Variants in CATSPERT observed in about 807,000 individuals in gnomAD.
CATSPERT encodes the protein catsper channel auxiliary subunit tau, also known as cation channel sperm-associated targeting subunit tau.
the CATSPERT span, among the ~76,000 whole-genome samples, chr2:201,599,703 C>T: frequency 6.6e-6 from 1 of 152,042 alleles, no homozygotes; most frequent in Admixed American, 6.6e-5. Flanking sequence ...TTAAAACTGT[C>T]CTTTTAATGT....
chr2:201,605,597 T>C, the CATSPERT span, among the ~76,000 whole-genome samples: 3 of 152,112 alleles, frequency 2.0e-5, no homozygotes, highest in East Asian at 3.8e-4. Context: ...ACTTAAACTA[T>C]GGCAAAGAAA....
At chr2:201,541,753 A>G in the CATSPERT span, among the ~76,000 whole-genome samples, 2 of 150,786 alleles carry the variant, frequency 1.3e-5, no homozygotes, top group African/African-American at 4.9e-5. Flanking sequence ...GAGCGACCAC[A>G]CCCTGCTAAT....
chr2:201,550,745 C>T, the CATSPERT span: 14 of 152,286 alleles, frequency 9.2e-5, no homozygotes, highest in African/African-American at 2.6e-4. Context: ...ATCCTATTTT[C>T]ATTGGCTCAA....
chr2:201,532,325 G>A, the CATSPERT span, among the ~76,000 whole-genome samples: 93,214 of 152,000 alleles, frequency 0.61, 30,359 homozygotes, highest in East Asian at 0.95. Flanking sequence ...ATAATGCCTG[G>A]AATGTTTATA....
the CATSPERT span, among the ~76,000 whole-genome samples, chr2:201,539,449 GC>G: frequency 6.7e-6 from 1 of 148,868 alleles, no homozygotes; most frequent in Non-Finnish European, 1.5e-5. Context: ...ATGCCTGTTG[GC>G]CATATGTGTG....
the CATSPERT span, among the ~76,000 whole-genome samples, chr2:201,599,738 A>T: frequency 6.6e-6 from 1 of 152,316 alleles, no homozygotes; most frequent in African/African-American, 2.4e-5. Flanking sequence ...TACCTATTTA[A>T]ATAAATACAG....
At chr2:201,596,100 G>T in the CATSPERT span, among the ~76,000 whole-genome samples, 5 of 152,094 alleles carry the variant, frequency 3.3e-5, no homozygotes, top group Admixed American at 2.6e-4. Context: ...AATATGAATT[G>T]TTCTGTTATA....
chr2:201,598,310 G>T, the CATSPERT span, among the ~76,000 whole-genome samples: 1 of 152,010 alleles, frequency 6.6e-6, no homozygotes, highest in Non-Finnish European at 1.5e-5. Flanking sequence ...TCACTATGTT[G>T]ACCAGGCCAG....
chr2:201,604,704 T>C, the CATSPERT span: 2 of 1,574,180 alleles, frequency 1.3e-6, no homozygotes, highest in South Asian at 1.2e-5. Flanking sequence ...GCATCTACAA[T>C]GTAAATAAAT....
chr2:201,543,324 C>G, the CATSPERT span, among the ~76,000 whole-genome samples: 1 of 152,160 alleles, frequency 6.6e-6, no homozygotes, highest in Non-Finnish European at 1.5e-5. Context: ...ACTGTTTTGA[C>G]TATCCAGAGT....
chr2:201,588,069 AAAG>A, the CATSPERT span, among the ~76,000 whole-genome samples: 467 of 152,290 alleles, frequency 3.1e-3, 3 homozygotes, highest in African/African-American at 0.01. Context: ...CCAGATGTAC[AAAG>A]AAGAGCTAGT....
chr2:201,532,690 C>T, the CATSPERT span, among the ~76,000 whole-genome samples: 12 of 151,878 alleles, frequency 7.9e-5, no homozygotes, highest in South Asian at 1.9e-3. Flanking sequence ...GAGTAGTCAA[C>T]GAAGAAGGAA....
the CATSPERT span, among the ~76,000 whole-genome samples, chr2:201,504,231 A>G: frequency 6.6e-6 from 1 of 152,140 alleles, no homozygotes; most frequent in Non-Finnish European, 1.5e-5. Flanking sequence ...TGAGATCTCC[A>G]AGTTCTGTTT....
the CATSPERT span, among the ~76,000 whole-genome samples, chr2:201,594,625 G>A: frequency 3.9e-5 from 6 of 152,000 alleles, no homozygotes; most frequent in South Asian, 2.1e-4. Context: ...CCAATCAGAC[G>A]TAGATTTGGT....
At chr2:201,550,150 T>C in the CATSPERT span, 1 of 152,134 alleles carries the variant, frequency 6.6e-6, no homozygotes, top group Admixed American at 6.6e-5. Flanking sequence ...CAGATTAAAT[T>C]CCAGGATGTT....
chr2:201,522,468 G>A, the CATSPERT span, among the ~76,000 whole-genome samples: 1 of 152,226 alleles, frequency 6.6e-6, no homozygotes, highest in Non-Finnish European at 1.5e-5. Context: ...GTGGATGGAG[G>A]GAGGATGCAG....
the CATSPERT span, among the ~76,000 whole-genome samples, chr2:201,542,990 C>T: frequency 6.6e-6 from 1 of 152,136 alleles, no homozygotes; most frequent in Non-Finnish European, 1.5e-5. Context: ...TCCAGTCTTA[C>T]ATTTAAGTCA....
chr2:201,608,961 C>A, the CATSPERT span, among the ~76,000 whole-genome samples: 2 of 149,546 alleles, frequency 1.3e-5, no homozygotes, highest in African/African-American at 4.9e-5. Flanking sequence ...TGTAAAGGCA[C>A]ATACAGAATG....
the CATSPERT span, among the ~76,000 whole-genome samples, chr2:201,595,788 C>G: frequency 2.0e-5 from 3 of 151,976 alleles, no homozygotes; most frequent in Non-Finnish European, 2.9e-5. Context: ...AGAAGACACA[C>G]ATGTGGCCAA....
Sources: gnomAD v4.1 joint callset for allele counts (sites outside exome capture counted in the v4.1 genomes callset) on GRCh38, gnomAD v4.1.1 for gene constraint, MANE v1.5 for transcripts, NCBI Gene and HGNC (gene_info 2026-07-23, HGNC 2026-07-21) for gene names.